Variants in GRAMD4 observed in about 807,000 individuals in gnomAD.
GRAMD4 encodes GRAM domain containing 4, also known as GRAM domain-containing protein 4.
A neutral mutation model predicts 83.9 loss-of-function variants in GRAMD4; 25 were observed. That is an observed-to-expected ratio of 0.30 (90% CI 0.22 to 0.42). GRAMD4 has a LOEUF of 0.42. Ranked by LOEUF, GRAMD4 falls within the 10% of genes least tolerant of loss-of-function variation. The probability of loss-of-function intolerance (pLI) is 1.00; values close to 1 mark genes in which losing one functional copy is unlikely to be tolerated. For synonymous variants in GRAMD4, 336 were observed against 320.9 expected (o/e 1.05, Z -0.50); for missense variants, 593 against 788.7 (o/e 0.75, Z 2.97).
rs142863536 is a variant in GRAMD4, at chr22:46,627,621, G to A, written c.162+660G>A. 5.8e-4 allele frequency among the ~76,000 whole-genome samples: 89 copies of A among 152,344 alleles called. 1 individual carries two copies. Among genetic ancestry groups the A allele is most frequent in the African/African-American group, 2.0e-3 (85 of 41,588 alleles). On this transcript the variant is annotated intron_variant, in intron 2 of 18. Coordinates refer to ENST00000406902, the MANE Select transcript of GRAMD4 (RefSeq NM_015124.5). Reference sequence around the variant, plus strand: ...TCCCTGCGGCCCCTCCTCTGGCCCAGCATGGCCTCTAGCTCCTCCCCGCAT... The same window carrying A: ...TCCCTGCGGCCCCTCCTCTGGCCCAACATGGCCTCTAGCTCCTCCCCGCAT...
At chr22:46,599,340 C>T (rs374828746) in intron 1 of GRAMD4, among the ~76,000 whole-genome samples, 53 of 150,088 alleles carry the variant, frequency 3.5e-4, no homozygotes, top group East Asian at 1.0e-3. Flanking sequence ...TTTTTTGAGA[C>T]GGAGTCTTGC....
At chr22:46,644,500 T>C (rs909590209) in intron 3 of GRAMD4, among the ~76,000 whole-genome samples, 3 of 140,878 alleles carry the variant, frequency 2.1e-5, no homozygotes, top group African/African-American at 2.7e-5. Flanking sequence ...GTCCCTGTTC[T>C]GTGTTACACC....
chr22:46,589,505 G>A (rs1337842263), intron 1 of GRAMD4, among the ~76,000 whole-genome samples: 2 of 151,774 alleles, frequency 1.3e-5, no homozygotes, highest in Non-Finnish European at 2.9e-5. Context: ...TGAGTGGGTG[G>A]CCCTATTATC....
At chr22:46,673,575 T>C in intron 14 of GRAMD4, 95 bp from the exon 15 acceptor site, 1 of 1,452,842 alleles carries the variant, frequency 6.9e-7, no homozygotes, top group Non-Finnish European at 9.4e-7. Flanking sequence ...CAAATTTGGA[T>C]CCCAGCTTTT....
Position 46,582,422 on chromosome 22 carries a change from C to T in GRAMD4, c.-50+5132C>T, listed in dbSNP as rs186184952. Among the ~76,000 whole-genome samples, 93 of 152,262 alleles carry T rather than the reference C, an allele frequency of 6.1e-4. 1 individual carries two copies. Among genetic ancestry groups the T allele is most frequent in the African/African-American group, 1.9e-3 (77 of 41,544 alleles). ...CCTGGGACCTCTCTGCTCCACGTCC[C>T]CCCTCCAGGGAGGCCTCCCATGAGT... On this transcript the variant is annotated intron_variant, in intron 1 of 1. Coordinates refer to the GRAMD4 transcript ENST00000431155.
At chr22:46,582,469 T>C (rs541919800) in intron 1 of GRAMD4, among the ~76,000 whole-genome samples, 2 of 152,256 alleles carry the variant, frequency 1.3e-5, no homozygotes, top group South Asian at 4.2e-4. Flanking sequence ...GCCTCTGCTG[T>C]CACTGCTCTC....
downstream of GRAMD4, among the ~76,000 whole-genome samples, chr22:46,682,079 A>G (rs1322726881): frequency 6.6e-6 from 1 of 152,224 alleles, no homozygotes; most frequent in African/African-American, 2.4e-5. Flanking sequence ...GAAATCAGAA[A>G]TCTGCCCTCA....
intron 16 of GRAMD4, among the ~76,000 whole-genome samples, chr22:46,675,054 T>A (rs2082574202): frequency 6.6e-6 from 1 of 152,250 alleles, no homozygotes; most frequent in Non-Finnish European, 1.5e-5. Context: ...TGTGGGGACC[T>A]GCTATTGCTG....
Position 46,620,401 on chromosome 22 carries a change from C to A in GRAMD4, c.-214C>A, listed in dbSNP as rs1309024465. ...CTGCTCTGGTGCACAGGACTGGAGT[C>A]CTCCAGGCTCCAGGGCAGCAGACAC... is the stretch of plus-strand genomic sequence containing the variant. On this transcript the variant is annotated 5_prime_UTR_variant, in exon 1 of 19. Transcript: ENST00000406902. The surrounding 1 kb of genome is among the most constrained non-coding windows in gnomAD (Gnocchi z 4.7). 2 of 985,328 alleles carry A rather than the reference C, an allele frequency of 2.0e-6. No homozygotes were observed. The highest frequency in any genetic ancestry group is 2.4e-6 in the Non-Finnish European group (2 of 829,914). The allele number at this position is 985,328 out of a possible 1,614,324, so 61.0% of individuals were successfully genotyped here. A position where few individuals can be genotyped will look rare whatever the true frequency, so the allele number is the denominator to read the frequency against.
chr22:46,599,484 AATTTTTGT>A (rs1468931353), intron 1 of GRAMD4, among the ~76,000 whole-genome samples: 1 of 151,530 alleles, frequency 6.6e-6, no homozygotes, highest in Admixed American at 6.6e-5. Flanking sequence ...ATGCCCGGCT[AATTTTTGT>A]ATTTTTGTAT....
chr22:46,607,007 A>G, intron 1 of GRAMD4, among the ~76,000 whole-genome samples: 1 of 152,208 alleles, frequency 6.6e-6, no homozygotes, highest in Non-Finnish European at 1.5e-5. Context: ...CACTGGAAGC[A>G]GGCCAGAGCG....
chr22:46,616,671 G>C (rs200049200), upstream of GRAMD4, among the ~76,000 whole-genome samples: 169 of 37,044 alleles, frequency 4.6e-3, 1 homozygote, highest in Middle Eastern at 0.025. Context: ...CCTGTGTGTA[G>C]GTTCCCCTGT....
chr22:46,651,503 C>A (rs1392097651), intron 3 of GRAMD4, among the ~76,000 whole-genome samples: 1 of 152,230 alleles, frequency 6.6e-6, no homozygotes, highest in Non-Finnish European at 1.5e-5. Context: ...TGGCCCCCGG[C>A]AGGTGTGATA....
intron 17 of GRAMD4, among the ~76,000 whole-genome samples, chr22:46,676,282 G>A (rs1214394930): frequency 1.3e-5 from 2 of 152,190 alleles, no homozygotes; most frequent in Non-Finnish European, 2.9e-5. Flanking sequence ...GGCCCTCCTG[G>A]TGCCAGGCCC....
chr22:46,611,586 G>T (rs140040492), intron 1 of GRAMD4, among the ~76,000 whole-genome samples: 1 of 152,100 alleles, frequency 6.6e-6, no homozygotes, highest in Non-Finnish European at 1.5e-5. Flanking sequence ...TGTCACTCTC[G>T]TCCTTTCATC....
At chr22:46,626,202 C>T (rs532602624) in intron 1 of GRAMD4, among the ~76,000 whole-genome samples, 112 of 152,178 alleles carry the variant, frequency 7.4e-4, no homozygotes, top group Middle Eastern at 6.8e-3. Context: ...GAGAATCAAC[C>T]GAGGCATCCC....
At chr22:46,630,395 C>G (rs1237810141) in intron 2 of GRAMD4, among the ~76,000 whole-genome samples, 1 of 152,188 alleles carries the variant, frequency 6.6e-6, no homozygotes, top group African/African-American at 2.4e-5. Flanking sequence ...ATGAATGAGG[C>G]TGAATGCCTG....
intron 4 of GRAMD4, 104 bp downstream of exon 4, chr22:46,658,411 C>T: frequency 1.7e-6 from 2 of 1,182,668 alleles, no homozygotes; most frequent in Non-Finnish European, 1.2e-6. Context: ...TTGGCAGCAT[C>T]ATTCTTGGCC....
intron 1 of GRAMD4, among the ~76,000 whole-genome samples, chr22:46,603,265 T>C (rs1272442494): frequency 7.0e-6 from 1 of 142,122 alleles, no homozygotes; most frequent in Non-Finnish European, 1.5e-5. Flanking sequence ...TGGATTGCAG[T>C]GGCATGACCT....
Sources: allele counts gnomAD v4.1 joint callset (sites outside exome capture counted in the v4.1 genomes callset), GRCh38; gene constraint gnomAD v4.1.1; non-coding constraint Gnocchi (gnomAD v3.1); transcripts MANE v1.5; gene names NCBI Gene and HGNC (gene_info 2026-07-23, HGNC 2026-07-21).